FAM186A: variants seen among roughly 807,000 people sequenced by gnomAD.
The protein encoded by FAM186A is protein FAM186A.
A neutral mutation model predicts 216.8 loss-of-function variants in FAM186A; 163 were observed. The observed-to-expected ratio is 0.75, with a 90% CI of 0.66 to 0.86. The LOEUF (loss-of-function observed/expected upper bound fraction) is 0.86, where lower values mean the gene tolerates loss of function less well. FAM186A is among the 40% of genes least tolerant of loss of function. The pLI is 0.00. For missense variants in FAM186A, 2,184 were observed against 2,746.2 expected (o/e 0.80, Z 4.58); for synonymous variants, 805 against 1,025.3 (o/e 0.79, Z 4.10).
chr12:50,362,035 C>T (rs531583846), intron 2 of FAM186A, among the ~76,000 whole-genome samples: 93 of 152,064 alleles, frequency 6.1e-4, no homozygotes, highest in Non-Finnish European at 1.1e-3. Context: ...TGCAGTGGCA[C>T]GACCTTGGCT....
chr12:50,361,192 T>C (rs1943031344), intron 2 of FAM186A, among the ~76,000 whole-genome samples: 1 of 152,122 alleles, frequency 6.6e-6, no homozygotes, highest in Non-Finnish European at 1.5e-5. Flanking sequence ...AATGTGTGTG[T>C]GTGTGTTTTG....
rs545017153 is a variant in FAM186A at position 50,343,674 on chromosome 12, A to G, written c.6503+6655T>C. Among the ~76,000 whole-genome samples the G allele has an allele frequency of 1.1e-3, 169 of 151,880 alleles. 1 individual carries two copies. Among genetic ancestry groups the G allele is most frequent in the Admixed American group, 2.1e-3 (32 of 15,242 alleles). Reference sequence around the variant, plus strand: ...CGCTCCGTCACCCAGGCTGGAGTGCAGTGGTGCAATCTCGGCTCACTGCAA... The same window carrying G: ...CGCTCCGTCACCCAGGCTGGAGTGCGGTGGTGCAATCTCGGCTCACTGCAA... On this transcript the variant is annotated intron_variant, in intron 4 of 7. Transcript: ENST00000327337.
In FAM186A at chr12:50,351,404, AAGTGGATTGACCTCCG is replaced by A. The variant is rs1942878796; in HGVS notation, c.5412_5427del (p.Gly1805LeufsTer30). ...GCCTGTGGTGCCGGGAACTGCGCAGAAGTGGATTGACCTCCGTATACCAGGGTCTGTCCAGAGGAAC... is the reference window on the plus strand; with the variant it reads ...GCCTGTGGTGCCGGGAACTGCGCAGATATACCAGGGTCTGTCCAGAGGAAC... On this transcript the variant is annotated frameshift_variant, in exon 4 of 8. Transcript: ENST00000327337. LOFTEE classifies it high-confidence loss of function. 1 of 1,468,104 alleles carries A rather than the reference AAGTGGATTGACCTCCG, an allele frequency of 6.8e-7. No individual in the cohort carries two copies. Among genetic ancestry groups the A allele is most frequent in the Non-Finnish European group, 9.0e-7 (1 of 1,110,916 alleles). 90.9% of individuals were successfully genotyped at this position (1,468,104 alleles called of 1,614,324 possible). A position where few individuals can be genotyped will look rare whatever the true frequency, so the allele number is the denominator to read the frequency against.
At chr12:50,380,900 A>T (rs997665367) in intron 1 of FAM186A, among the ~76,000 whole-genome samples, 3 of 152,156 alleles carry the variant, frequency 2.0e-5, no homozygotes, top group African/African-American at 7.2e-5. Flanking sequence ...GGCGAGGGGT[A>T]TGTGAGCAAG....
At chr12:50,376,113 C>T (rs1353744007) in intron 1 of FAM186A, among the ~76,000 whole-genome samples, 1 of 152,164 alleles carries the variant, frequency 6.6e-6, no homozygotes, top group African/African-American at 2.4e-5. Context: ...GCACCAGTGT[C>T]TGGATGAGGG....
chr12:50,353,680 G>A lies in FAM186A; in HGVS notation c.3152C>T (p.Pro1051Leu). The A allele has an allele frequency of 6.5e-7, 1 of 1,538,110 alleles. No homozygotes were observed. Among genetic ancestry groups the A allele is most frequent in the Non-Finnish European group, 8.8e-7 (1 of 1,142,168 alleles). Residue 1051 changes from proline to leucine, a missense_variant, in exon 4 of 8, where the codon CCC becomes CTC. By Grantham distance (98) the Pro-to-Leu change is moderately conservative (BLOSUM62 -3). This residue lies in a region of FAM186A where 1,132 missense variants were observed against 1,263.4 expected (regional missense o/e 0.90). Transcript: ENST00000327337. Reference sequence around the variant, plus strand: ...AGGCAGGGAGTATTGTAGGGAGGGGGGAGGTGTGATTGATATGGGCTCCTT... The same window carrying A: ...AGGCAGGGAGTATTGTAGGGAGGGGAGAGGTGTGATTGATATGGGCTCCTT... ...DEKEPISITP[P>L]PSLQYSLPGA...
intron 1 of FAM186A, among the ~76,000 whole-genome samples, chr12:50,388,144 TG>T (rs928104395): frequency 1.1e-4 from 16 of 152,122 alleles, no homozygotes; most frequent in Non-Finnish European, 1.8e-4. Context: ...CCCTGAAGGT[TG>T]GGGGGTGGGG....
At chr12:50,393,842 A>C (rs914994425) in intron 1 of FAM186A, among the ~76,000 whole-genome samples, 1 of 152,180 alleles carries the variant, frequency 6.6e-6, no homozygotes, top group African/African-American at 2.4e-5. Context: ...AAAAGCAAAC[A>C]CTGTGTTATT....
At chr12:50,394,269 A>G (rs186041870) in intron 1 of FAM186A, among the ~76,000 whole-genome samples, 296 of 152,160 alleles carry the variant, frequency 1.9e-3, no homozygotes, top group African/African-American at 6.7e-3. Context: ...AAAAGAATAT[A>G]TAAAATGGGC....
rs767988960 is a variant in FAM186A, at chr12:50,352,597, G to A, written c.4235C>T (p.Thr1412Ile). 13 of 1,520,166 alleles carry A rather than the reference G, an allele frequency of 8.6e-6. No homozygotes were observed. Among genetic ancestry groups the A allele is most frequent in the African/African-American group, 1.5e-5 (1 of 68,208 alleles). 94.2% of individuals were successfully genotyped at this position (1,520,166 alleles called of 1,614,324 possible). ...QQAQELGIPL[T>I]PQQAQELGIP... ...CCCCAATTCCTGAGCCTGCTGAGGGGTGAGAGGGATCCCCAGTTCCTGAGC... is the reference window on the plus strand; with the variant it reads ...CCCCAATTCCTGAGCCTGCTGAGGGATGAGAGGGATCCCCAGTTCCTGAGC... The change falls in exon 4 of 8, where the codon ACC (threonine) becomes ATC (isoleucine). Residue 1412 changes from threonine (T) to isoleucine (I), a missense_variant. Physicochemically the swap from Thr to Ile is moderately conservative, Grantham distance 89. Transcript: ENST00000327337.
chr12:50,351,129 CTGCA>C lies in FAM186A; in HGVS notation c.5699_5702del (p.Leu1900ArgfsTer62). The stretch of plus-strand genomic sequence containing the variant: ...GATGCTGCCCAGGGGTAGAAGGAGC[CTGCA>C]GATAGGGAGATTGCTCAGCAGTGGC... On this transcript the variant is annotated frameshift_variant, in exon 4 of 8. Coordinates refer to ENST00000327337, the MANE Select transcript of FAM186A (RefSeq NM_001145475.3). LOFTEE classifies it high-confidence loss of function. The C allele has an allele frequency of 6.4e-7, 1 of 1,551,522 alleles. No individual in the cohort carries two copies. The highest frequency in any genetic ancestry group is 8.7e-7 in the Non-Finnish European group (1 of 1,146,956).
intron 4 of FAM186A, among the ~76,000 whole-genome samples, chr12:50,341,276 CATATA>C (rs1942760401): frequency 6.6e-6 from 1 of 152,142 alleles, no homozygotes. Context: ...TTTTCTCTTA[CATATA>C]ATATTAGAAT....
At chr12:50,374,448 T>A (rs7295613) in intron 1 of FAM186A, among the ~76,000 whole-genome samples, 1 of 151,902 alleles carries the variant, frequency 6.6e-6, no homozygotes, top group African/African-American at 2.4e-5. Flanking sequence ...AAAAATAGCA[T>A]CATGAAAAAG....
intron 3 of FAM186A, among the ~76,000 whole-genome samples, chr12:50,358,780 A>G (rs1413683421): frequency 6.6e-6 from 1 of 150,956 alleles, no homozygotes; most frequent in Admixed American, 6.6e-5. Context: ...AAAATTAACC[A>G]TGCGTGGTGG....
intron 7 of FAM186A, among the ~76,000 whole-genome samples, chr12:50,327,661 C>T (rs1436996710): frequency 6.6e-6 from 1 of 151,812 alleles, no homozygotes; most frequent in Non-Finnish European, 1.5e-5. Context: ...CCCACCTCAG[C>T]CTCCCAAGTA....
Position 50,350,960 on chromosome 12 carries a change from T to C in FAM186A, c.5872A>G (p.Ile1958Val). The C allele has an allele frequency of 6.4e-7, 1 of 1,551,454 alleles. No individual in the cohort carries two copies. The highest frequency in any genetic ancestry group is 1.2e-5 in the South Asian group (1 of 84,010). The change falls in exon 4 of 8, where the codon ATT becomes GTT. Residue 1958 changes from isoleucine to valine, a missense_variant. Physicochemically the swap from Ile to Val is conservative, Grantham distance 29. Transcript: ENST00000327337. ...SPSVAKKRLAIISSLKSKSVL... is the reference protein window; with the variant it reads ...SPSVAKKRLAVISSLKSKSVL... ...GATTTAGATTTCAGAGAAGAAATAA[T>C]TGCCAATCTTTTCTTAGCAACAGAA...
rs1943056234 is a variant in FAM186A, at chr12:50,363,381, G to A, written c.193-17C>T. The A allele has an allele frequency of 2.6e-6, 4 of 1,535,020 alleles. No individual in the cohort carries two copies. The highest frequency in any genetic ancestry group is 3.9e-5 in the Admixed American group (2 of 50,836). Reference sequence around the variant, plus strand: ...ATCAATGTCCTGTCAGAATAAGAAGGGGGCATGTATTAATCTTCAGTTTGA... The same window carrying A: ...ATCAATGTCCTGTCAGAATAAGAAGAGGGCATGTATTAATCTTCAGTTTGA... On this transcript the variant is annotated splice_polypyrimidine_tract_variant and intron_variant, in intron 1 of 7. Transcript: ENST00000327337.
chr12:50,388,485 G>A (rs2136107623), intron 1 of FAM186A, among the ~76,000 whole-genome samples: 1 of 152,108 alleles, frequency 6.6e-6, no homozygotes, highest in South Asian at 2.1e-4. Context: ...CAGGTGTGGT[G>A]GCACATGCCC....
chr12:50,356,920 A>C (rs1245395526), intron 3 of FAM186A, among the ~76,000 whole-genome samples: 1 of 151,688 alleles, frequency 6.6e-6, no homozygotes, highest in African/African-American at 2.4e-5. Context: ...AATCACTTGA[A>C]CTCGGGAGGC....
Sources: allele counts gnomAD v4.1 joint callset (sites outside exome capture counted in the v4.1 genomes callset), GRCh38; gene constraint gnomAD v4.1.1; regional missense constraint gnomAD v4.1.1; transcripts MANE v1.5; gene names NCBI Gene and HGNC (gene_info 2026-07-23, HGNC 2026-07-21).